The following CCDC7 variants were observed in gnomAD, a reference collection of about 807,000 sequenced individuals.
CCDC7 encodes coiled-coil domain-containing protein 7.
In CCDC7, 183 loss-of-function variants were observed where a neutral mutation model predicts 196.9. The ratio of observed to expected loss-of-function variants is 0.93; its 90% CI spans 0.82 to 1.05. The LOEUF (loss-of-function observed/expected upper bound fraction) is 1.05, where lower values mean the gene tolerates loss of function less well. Ranked by LOEUF, CCDC7 falls within the 50% of genes least tolerant of loss-of-function variation. The pLI is 0.00. For missense variants in CCDC7, 1,540 were observed against 1,482.2 expected, an observed-to-expected ratio of 1.04 and a Z score of -0.64; for synonymous variants, 525 against 484.6, an observed-to-expected ratio of 1.08 and a Z score of -1.10.
chr10:32,565,877 G>T (rs1007824775), intron 14 of CCDC7, among the ~76,000 whole-genome samples: 2 of 151,986 alleles, frequency 1.3e-5, no homozygotes, highest in African/African-American at 4.8e-5. Flanking sequence ...ATCTGTCATG[G>T]TTGCAGTGTG....
At chr10:32,699,810 A>G (rs1591737179) in intron 24 of CCDC7, among the ~76,000 whole-genome samples, 1 of 149,518 alleles carries the variant, frequency 6.7e-6, no homozygotes, top group South Asian at 2.1e-4. Context: ...GCCAGTGATG[A>G]TGAGCATTTT....
intron 31 of CCDC7, among the ~76,000 whole-genome samples, chr10:32,816,837 C>A (rs1481606719): frequency 6.6e-6 from 1 of 152,126 alleles, no homozygotes; most frequent in Non-Finnish European, 1.5e-5. Flanking sequence ...CCCATCTATG[C>A]ATCACCATCA....
chr10:32,703,851 G>C (rs1488372838), intron 24 of CCDC7, among the ~76,000 whole-genome samples: 1 of 152,050 alleles, frequency 6.6e-6, no homozygotes, highest in Non-Finnish European at 1.5e-5. Context: ...CTCGTGCCTT[G>C]GTTTTCAGCT....
chr10:32,841,544 C>T (rs1173532674), intron 33 of CCDC7, among the ~76,000 whole-genome samples: 1 of 151,744 alleles, frequency 6.6e-6, no homozygotes, highest in Admixed American at 6.6e-5. Context: ...TTGCCAAAAG[C>T]AATCTACAAA....
At chr10:32,634,786 A>G (rs1265445882) in intron 19 of CCDC7, among the ~76,000 whole-genome samples, 3 of 152,198 alleles carry the variant, frequency 2.0e-5, no homozygotes, top group Admixed American at 1.3e-4. Context: ...TTATACTTTG[A>G]CCTAAATGTG....
upstream of CCDC7, among the ~76,000 whole-genome samples, chr10:32,448,574 C>G (rs935081698): frequency 5.9e-5 from 9 of 151,820 alleles, no homozygotes; most frequent in African/African-American, 2.2e-4. Flanking sequence ...ATTTTATTCT[C>G]TAAAATAGTA....
At chr10:32,572,160 C>T (rs1564696621) in intron 16 of CCDC7, among the ~76,000 whole-genome samples, 1 of 151,976 alleles carries the variant, frequency 6.6e-6, no homozygotes, top group African/African-American at 2.4e-5. Flanking sequence ...ATTAAAATTT[C>T]CAGATAGTGA....
At chr10:32,670,191 A>C (rs1266868604) in intron 21 of CCDC7, among the ~76,000 whole-genome samples, 1 of 151,980 alleles carries the variant, frequency 6.6e-6, no homozygotes, top group Non-Finnish European at 1.5e-5. Context: ...AAGACAATGC[A>C]ATTTATTTGA....
chr10:32,834,672 T>TA (rs1171340186), intron 32 of CCDC7, 143 bp from the exon 34 acceptor site: 6 of 348,176 alleles, frequency 1.7e-5, no homozygotes, highest in African/African-American at 1.4e-4. Context: ...TTTTTTTTTT[T>TA]ACTAATTCAT....
intron 41 of CCDC7, among the ~76,000 whole-genome samples, chr10:32,863,945 A>C (rs978343736): frequency 2.0e-5 from 3 of 151,368 alleles, no homozygotes; most frequent in African/African-American, 7.3e-5. Flanking sequence ...CCACACTGCA[A>C]AGAAAACAAT....
intron 13 of CCDC7, among the ~76,000 whole-genome samples, chr10:32,553,685 T>A (rs2053874328): frequency 6.6e-6 from 1 of 152,176 alleles, no homozygotes; most frequent in Non-Finnish European, 1.5e-5. Flanking sequence ...TTGTTGTCTC[T>A]CTTCTGGGTC....
chr10:32,531,550 T>C (rs995345523), intron 11 of CCDC7, among the ~76,000 whole-genome samples: 1 of 152,218 alleles, frequency 6.6e-6, no homozygotes, highest in African/African-American at 2.4e-5. Flanking sequence ...GGTTTTGATA[T>C]CAAGGTAATG....
At chr10:32,621,888 T>C (rs1423005435) in intron 18 of CCDC7, among the ~76,000 whole-genome samples, 1 of 152,184 alleles carries the variant, frequency 6.6e-6, no homozygotes, top group Non-Finnish European at 1.5e-5. Flanking sequence ...GATGCTTATA[T>C]TTTCTAGAAA....
At chr10:32,813,284 A>G (rs572790952) in intron 30 of CCDC7, among the ~76,000 whole-genome samples, 2 of 152,278 alleles carry the variant, frequency 1.3e-5, no homozygotes, top group Admixed American at 1.3e-4. Flanking sequence ...AATAATTTTT[A>G]TACGTTTTTA....
At chr10:32,638,548 G>A (rs1490904943) in intron 20 of CCDC7, among the ~76,000 whole-genome samples, 1 of 152,152 alleles carries the variant, frequency 6.6e-6, no homozygotes, top group Admixed American at 6.5e-5. Context: ...ATTTGTGTAT[G>A]TTGAACCAGC....
intron 21 of CCDC7, among the ~76,000 whole-genome samples, chr10:32,668,490 G>A (rs2140614700): frequency 6.6e-6 from 1 of 152,194 alleles, no homozygotes; most frequent in South Asian, 2.1e-4. Flanking sequence ...CATTCAGTAT[G>A]ATATTGGCTG....
rs1292224810 is a variant in CCDC7, at chr10:32,700,157, A to T, written c.2458+5165A>T. ...GCCTATGTCCTGAATGGTATTGCCTAGGTTTTCTTCTAGGGTTTTTATGGT... is the reference window on the plus strand; with the variant it reads ...GCCTATGTCCTGAATGGTATTGCCTTGGTTTTCTTCTAGGGTTTTTATGGT... On this transcript the variant is annotated intron_variant, in intron 24 of 41. Coordinates refer to ENST00000639629, the Ensembl canonical transcript of CCDC7. 2.7e-5 allele frequency among the ~76,000 whole-genome samples: 4 copies of T among 149,502 alleles called. 1 individual carries two copies. Among genetic ancestry groups the T allele is most frequent in the African/African-American group, 1.0e-4 (4 of 38,844 alleles).
rs576488781 is a variant in CCDC7, at chr10:32,491,869, A to G, written c.797-53A>G. 1.0e-4 allele frequency: 156 copies of G among 1,496,018 alleles called. No homozygotes were observed. In the East Asian group the frequency reaches 3.5e-3, roughly 34 times the overall value. The allele number at this position is 1,496,018 out of a possible 1,614,324, so 92.7% of individuals were successfully genotyped here. A position where few individuals can be genotyped will look rare whatever the true frequency, so the allele number is the denominator to read the frequency against. ...TAGCAGTTATATTTAGCATAGAGCT[A>G]TAACTTAAGCTATTTATAAAACCTT... On this transcript the variant is annotated intron_variant, in intron 8 of 41. Transcript: ENST00000639629.
rs551901533 is a variant in CCDC7 at position 32,757,998 on chromosome 10, A to G, written c.2906-20979A>G. Among the ~76,000 whole-genome samples the G allele has an allele frequency of 9.5e-4, 144 of 152,358 alleles. 1 individual carries two copies. The highest frequency in any genetic ancestry group is 2.7e-3 in the African/African-American group (112 of 41,584). On this transcript the variant is annotated intron_variant, in intron 28 of 41. Coordinates refer to ENST00000639629, the Ensembl canonical transcript of CCDC7. Reference sequence around the variant, plus strand: ...TCTACACAAATAAACTAGAAAATCTAGAAGAAATGAATAAATTCCTGGGCA... The same window carrying G: ...TCTACACAAATAAACTAGAAAATCTGGAAGAAATGAATAAATTCCTGGGCA...
Sources: allele counts gnomAD v4.1 joint callset (sites outside exome capture counted in the v4.1 genomes callset), GRCh38; gene constraint gnomAD v4.1.1; transcripts MANE v1.5; gene names NCBI Gene and HGNC (gene_info 2026-07-23, HGNC 2026-07-21).